METTL22: variants seen among roughly 807,000 people sequenced by gnomAD.
METTL22 encodes methyltransferase 22, Kin17 lysine.
Under a neutral mutation model 48.4 loss-of-function variants are expected in METTL22, and 51 were observed. That is an observed-to-expected ratio of 1.05 (90% confidence interval 0.84 to 1.33). METTL22 has a LOEUF of 1.33. METTL22 is among the 40% of genes most tolerant of loss of function. The pLI, the probability that METTL22 is intolerant of heterozygous loss-of-function variation, is 0.00. For synonymous variants in METTL22, 255 were observed against 214.1 expected (o/e 1.19, Z -1.67); for missense variants, 678 against 526.9 (o/e 1.29, Z -2.81).
intron 2 of METTL22, among the ~76,000 whole-genome samples, chr16:8,626,710 A>G (rs2056067614): frequency 6.7e-6 from 1 of 149,486 alleles, no homozygotes; most frequent in Non-Finnish European, 1.5e-5. Context: ...CGGCCTCCCA[A>G]AGTGCTGGGA....
intron 5 of METTL22, among the ~76,000 whole-genome samples, chr16:8,638,598 A>G (rs1004068750): frequency 3.3e-5 from 5 of 152,140 alleles, no homozygotes; most frequent in African/African-American, 1.2e-4. Flanking sequence ...ATAAGAAAAA[A>G]TCCTTCTGAC....
At chr16:8,658,792 C>T in the METTL22 span, among the ~76,000 whole-genome samples, 1 of 152,182 alleles carries the variant, frequency 6.6e-6, no homozygotes, top group Admixed American at 6.5e-5. Context: ...TCTGGGAGGT[C>T]ATTGCACAAA....
the METTL22 span, among the ~76,000 whole-genome samples, chr16:8,657,366 A>G: frequency 0.28 from 43,250 of 152,140 alleles, 7,534 homozygotes; most frequent in African/African-American, 0.49. Flanking sequence ...AGTTAAATAC[A>G]ATATTAAGTA....
the METTL22 span, among the ~76,000 whole-genome samples, chr16:8,655,325 A>C: frequency 3.2e-3 from 490 of 152,292 alleles, 2 homozygotes; most frequent in African/African-American, 0.011. Context: ...GGCAGGATTC[A>C]GTTCCTCACC....
At chr16:8,660,825 AGGAGGG>A in the METTL22 span, among the ~76,000 whole-genome samples, 1 of 1,230 alleles carries the variant, frequency 8.1e-4, no homozygotes, top group Non-Finnish European at 2.5e-3. Context: ...GAGGAGGAGG[AGGAGGG>A]GGAGGAGGGG....
At chr16:8,663,690 A>G in the METTL22 span, among the ~76,000 whole-genome samples, 5,888 of 152,274 alleles carry the variant, frequency 0.039, 372 homozygotes, top group African/African-American at 0.13. Flanking sequence ...TTATTCTTAC[A>G]TCCATTTTAC....
At chr16:8,625,857 T>A in intron 2 of METTL22, 59 bp downstream of exon 2, 3 of 1,594,676 alleles carry the variant, frequency 1.9e-6, no homozygotes, top group Non-Finnish European at 1.7e-6. Context: ...TTTCTCATAC[T>A]CATCTTTTTG....
rs35084049 is a variant in METTL22 at position 8,625,752 on chromosome 16, G to T, written c.87G>T (p.Pro29=). The change falls in exon 2 of 11, where the codon CCG becomes CCT. Residue 29 remains proline, a synonymous_variant. Coordinates refer to ENST00000381920, the MANE Select transcript of METTL22 (RefSeq NM_024109.4). Reference sequence around the variant, plus strand: ...TGTCAGATGTCCACCTCTATACCCCGAACCATAGACATCTCATGGTACGGC... The same window carrying T: ...TGTCAGATGTCCACCTCTATACCCCTAACCATAGACATCTCATGGTACGGC... The part of the protein sequence containing the change: ...TVLSDVHLYT[P]NHRHLMVRLN... The T allele has an allele frequency of 6.2e-7, 1 of 1,614,142 alleles. No homozygotes were observed. The highest frequency in any genetic ancestry group is 1.1e-5 in the South Asian group (1 of 91,084).
rs370728563 is a variant in METTL22, at chr16:8,646,738, C to T, written c.*595C>T. 3 of 448,584 alleles carry T rather than the reference C, an allele frequency of 6.7e-6. No individual in the cohort carries two copies. Among genetic ancestry groups the T allele is most frequent in the African/African-American group, 6.0e-5 (3 of 49,768 alleles). The allele number at this position is 448,584 out of a possible 1,614,324, so 27.8% of individuals were successfully genotyped here. A position where few individuals can be genotyped will look rare whatever the true frequency, so the allele number is the denominator to read the frequency against. On this transcript the variant is annotated 3_prime_UTR_variant, in exon 11 of 11. Transcript: ENST00000381920. ...CCAAATCAGGTACGTTTGGAATAAACCTAAGAGCCACTCTTTGGGGTCATG... is the reference window on the plus strand; with the variant it reads ...CCAAATCAGGTACGTTTGGAATAAATCTAAGAGCCACTCTTTGGGGTCATG...
chr16:8,633,305 G>A (rs2056321855), intron 3 of METTL22, among the ~76,000 whole-genome samples: 1 of 152,122 alleles, frequency 6.6e-6, no homozygotes. Context: ...CAAGCAGGCT[G>A]AAGAGCTAGA....
chr16:8,639,968 G>C (rs1036340363), intron 6 of METTL22, among the ~76,000 whole-genome samples: 4 of 151,864 alleles, frequency 2.6e-5, no homozygotes, highest in African/African-American at 9.7e-5. Flanking sequence ...CTCTGCCTGA[G>C]TGCTCTGCCG....
the METTL22 span, among the ~76,000 whole-genome samples, chr16:8,658,751 T>C: frequency 7.4e-4 from 112 of 152,206 alleles, no homozygotes; most frequent in African/African-American, 2.5e-3. Flanking sequence ...TTGACCAGAG[T>C]GCACGTCAAG....
Position 8,621,739 on chromosome 16 carries a change from G to A in METTL22, c.-207G>A, listed in dbSNP as rs1004988070. 3 of 152,314 alleles carry A rather than the reference G, an allele frequency of 2.0e-5. No individual in the cohort carries two copies. The highest frequency in any genetic ancestry group is 2.9e-5 in the Non-Finnish European group (2 of 68,096). The allele number at this position is 152,314 out of a possible 1,614,324, so 9.4% of individuals were successfully genotyped here. On this transcript the variant is annotated 5_prime_UTR_variant, in exon 1 of 11. Transcript: ENST00000381920. ...CGGCCGCCTAAGTCCCACAGAGACG[G>A]GAGTCGGGTGGGATCCCAGGCTGGG...
chr16:8,628,078 T>A (rs2056122350), intron 2 of METTL22, among the ~76,000 whole-genome samples: 1 of 152,232 alleles, frequency 6.6e-6, no homozygotes, highest in Admixed American at 6.5e-5. Context: ...AAAAGTTTGC[T>A]CACCCCTGCC....
chr16:8,622,014 G>C (rs541091183), intron 1 of METTL22, among the ~76,000 whole-genome samples: 2 of 152,342 alleles, frequency 1.3e-5, no homozygotes, highest in Non-Finnish European at 2.9e-5. Flanking sequence ...TAGGAAGGGA[G>C]GGCAGTGCCC....
At chr16:8,640,275 C>G (rs1450841541) in intron 6 of METTL22, among the ~76,000 whole-genome samples, 1 of 152,082 alleles carries the variant, frequency 6.6e-6, no homozygotes, top group Non-Finnish European at 1.5e-5. Flanking sequence ...CTGACATCCG[C>G]TGTCTGACAT....
intron 8 of METTL22, 23 bp from the exon 9 acceptor site, chr16:8,642,440 G>T (rs1240815661): frequency 1.9e-6 from 3 of 1,608,798 alleles, no homozygotes; most frequent in Non-Finnish European, 2.6e-6. Context: ...TTCCTCTAAT[G>T]CTGGCCTTTT....
chr16:8,664,374 G>C, the METTL22 span, among the ~76,000 whole-genome samples: 2 of 152,078 alleles, frequency 1.3e-5, no homozygotes, highest in South Asian at 4.1e-4. Context: ...TCGAACTCCT[G>C]ACCTCAGGTG....
chr16:8,644,695 G>A lies in METTL22; in HGVS notation c.1149G>A (p.Gln383=), dbSNP rs762583956. The change falls in exon 10 of 11, where the codon CAG becomes CAA. Residue 383 remains glutamine (Q), a synonymous_variant. Transcript: ENST00000381920. ...AGCCCGTGGAGGCCTCCTTCCCACA[G>A]CTCCTGGTTTACGAGCGCCTCCAGC... ...VVEPVEASFP[Q]LLVYERLQQL... 1 of 1,600,408 alleles carries A rather than the reference G, an allele frequency of 6.2e-7. No individual in the cohort carries two copies. The highest frequency in any genetic ancestry group is 8.5e-7 in the Non-Finnish European group (1 of 1,173,354).
Sources: allele counts gnomAD v4.1 joint callset (sites outside exome capture counted in the v4.1 genomes callset), GRCh38; gene constraint gnomAD v4.1.1; transcripts MANE v1.5; gene names NCBI Gene and HGNC (gene_info 2026-07-23, HGNC 2026-07-21).